The following MACROD2 variants were observed in gnomAD, a reference collection of about 807,000 sequenced individuals.
MACROD2 encodes ADP-ribose glycohydrolase MACROD2.
A neutral mutation model predicts 70.4 loss-of-function variants in MACROD2; 36 were observed. The observed-to-expected ratio is 0.51, with a 90% confidence interval of 0.39 to 0.68. The LOEUF (loss-of-function observed/expected upper bound fraction) is 0.68, where lower values mean the gene tolerates loss of function less well. Among genes scored for constraint, MACROD2 ranks in the 30% least tolerant of loss-of-function variants. The pLI is 0.00. For synonymous variants in MACROD2, 172 were observed against 178.8 expected, an observed-to-expected ratio of 0.96 and a Z score of 0.30; for missense variants, 496 against 538.4, an observed-to-expected ratio of 0.92 and a Z score of 0.78.
intron 3 of MACROD2, among the ~76,000 whole-genome samples, chr20:14,088,954 G>T (rs914119722): frequency 6.6e-6 from 1 of 152,092 alleles, no homozygotes; most frequent in African/African-American, 2.4e-5. Context: ...GAAATAAATG[G>T]TGCAAAACAG....
rs1232499100 is a variant in MACROD2, at chr20:14,560,308, T to TACACACACACACAC, written c.301+66818_301+66831dup. ...TGGGAATGAATGACTGTACTTAATG[T>TACACACACACACAC]ACACACACACACACACACACACACA... is the stretch of plus-strand genomic sequence containing the variant. On this transcript the variant is annotated intron_variant, in intron 4 of 17. Transcript: ENST00000684519. Among the ~76,000 whole-genome samples, 700 of 147,446 alleles carry TACACACACACACAC rather than the reference T, an allele frequency of 4.7e-3. 2 individuals carry two copies. Among genetic ancestry groups the TACACACACACACAC allele is most frequent in the Non-Finnish European group, 7.1e-3 (474 of 66,460 alleles).
chr20:14,574,636 T>G (rs1043512601), intron 4 of MACROD2, among the ~76,000 whole-genome samples: 1 of 151,246 alleles, frequency 6.6e-6, no homozygotes, highest in Non-Finnish European at 1.5e-5. Flanking sequence ...AAAAATTACA[T>G]ATATAAATTA....
At chr20:15,451,417 T>TTA (rs1568817922) in intron 7 of MACROD2, among the ~76,000 whole-genome samples, 3 of 83,372 alleles carry the variant, frequency 3.6e-5, no homozygotes, top group Non-Finnish European at 4.5e-5. Flanking sequence ...GGGTGGTAAA[T>TTA]AAAAAAAAAA....
At chr20:15,919,199 A>C (rs2065364459) in intron 10 of MACROD2, among the ~76,000 whole-genome samples, 1 of 152,224 alleles carries the variant, frequency 6.6e-6, no homozygotes, top group Non-Finnish European at 1.5e-5. Flanking sequence ...AAGAACAAAG[A>C]ACATGCTAGA....
intron 5 of MACROD2, among the ~76,000 whole-genome samples, chr20:15,100,013 C>T (rs1415801657): frequency 6.6e-6 from 1 of 151,950 alleles, no homozygotes; most frequent in Non-Finnish European, 1.5e-5. Context: ...TTACAAAGAA[C>T]TTGGCTGAAT....
chr20:14,371,237 C>T (rs981402329), intron 3 of MACROD2, among the ~76,000 whole-genome samples: 3 of 152,094 alleles, frequency 2.0e-5, no homozygotes, highest in Non-Finnish European at 4.4e-5. Context: ...GTGATACCAG[C>T]TCTTTGGTAG....
At chr20:14,751,373 T>G (rs1288059987) in intron 5 of MACROD2, among the ~76,000 whole-genome samples, 1 of 152,074 alleles carries the variant, frequency 6.6e-6, no homozygotes, top group East Asian at 1.9e-4. Context: ...ACACAGCACA[T>G]GTACACATGT....
chr20:15,927,000 G>C (rs958628757), intron 10 of MACROD2, among the ~76,000 whole-genome samples: 1 of 152,094 alleles, frequency 6.6e-6, no homozygotes, highest in African/African-American at 2.4e-5. Context: ...AGGATAGAGG[G>C]GATGGAGGAT....
intron 3 of MACROD2, among the ~76,000 whole-genome samples, chr20:14,255,695 AAAT>A (rs1475069592): frequency 4.6e-4 from 35 of 76,836 alleles, no homozygotes; most frequent in Non-Finnish European, 1.2e-3. Flanking sequence ...ATAAATAAAT[AAAT>A]AAATAAATAA....
chr20:14,989,373 G>T (rs1555860985), intron 5 of MACROD2, among the ~76,000 whole-genome samples: 1 of 152,152 alleles, frequency 6.6e-6, no homozygotes, highest in Non-Finnish European at 1.5e-5. Flanking sequence ...TGCTGTCCAG[G>T]CTCTTGACAC....
chr20:14,601,209 C>T (rs1258065473), intron 4 of MACROD2, among the ~76,000 whole-genome samples: 2 of 152,098 alleles, frequency 1.3e-5, no homozygotes, highest in Non-Finnish European at 2.9e-5. Flanking sequence ...CACCCGGGAC[C>T]GGTTTTGTGG....
intron 3 of MACROD2, among the ~76,000 whole-genome samples, chr20:14,229,179 A>G (rs2122196749): frequency 6.6e-6 from 1 of 152,300 alleles, no homozygotes; most frequent in East Asian, 1.9e-4. Flanking sequence ...CTTCTTTTAG[A>G]TACAACACCA....
At chr20:14,319,136 C>A (rs2082637453) in intron 3 of MACROD2, among the ~76,000 whole-genome samples, 1 of 152,110 alleles carries the variant, frequency 6.6e-6, no homozygotes, top group African/African-American at 2.4e-5. Context: ...CACCTAATCC[C>A]ATCATCTTCT....
At chr20:15,757,121 T>G (rs1348857848) in intron 8 of MACROD2, among the ~76,000 whole-genome samples, 1 of 152,252 alleles carries the variant, frequency 6.6e-6, no homozygotes, top group East Asian at 1.9e-4. Context: ...CATTTGGAAC[T>G]TCAGAACACA....
chr20:15,922,907 T>G (rs2065432180), intron 10 of MACROD2, among the ~76,000 whole-genome samples: 1 of 152,236 alleles, frequency 6.6e-6, no homozygotes, highest in Admixed American at 6.5e-5. Context: ...GGTGATTACA[T>G]TATCATCTTT....
chr20:14,876,925 A>C (rs1331225055), intron 5 of MACROD2, among the ~76,000 whole-genome samples: 2 of 152,158 alleles, frequency 1.3e-5, no homozygotes, highest in Admixed American at 1.3e-4. Flanking sequence ...CTTTTTGCTT[A>C]GGATTGCTTT....
chr20:14,665,101 T>C (rs2123545404), intron 4 of MACROD2, among the ~76,000 whole-genome samples: 1 of 152,290 alleles, frequency 6.6e-6, no homozygotes, highest in African/African-American at 2.4e-5. Flanking sequence ...TCATCATTAT[T>C]ACAGGTGACT....
chr20:15,478,704 G>A (rs1216363234), intron 7 of MACROD2, among the ~76,000 whole-genome samples: 4 of 152,192 alleles, frequency 2.6e-5, no homozygotes, highest in African/African-American at 9.7e-5. Flanking sequence ...GTGACAGCCT[G>A]TGAATGTCAC....
intron 4 of MACROD2, among the ~76,000 whole-genome samples, chr20:14,680,763 A>G (rs1473821391): frequency 6.6e-6 from 1 of 152,182 alleles, no homozygotes; most frequent in East Asian, 1.9e-4. Flanking sequence ...CATTAAAATA[A>G]CTATGTCACA....
Sources: gnomAD v4.1 joint callset for allele counts (sites outside exome capture counted in the v4.1 genomes callset) on GRCh38, gnomAD v4.1.1 for gene constraint, MANE v1.5 for transcripts, NCBI Gene and HGNC (gene_info 2026-07-23, HGNC 2026-07-21) for gene names.